The following ZNF311 variants were observed in gnomAD, a reference collection of about 807,000 sequenced individuals.
ZNF311 encodes the protein zinc finger protein 311.
A neutral mutation model predicts 22.7 loss-of-function variants in ZNF311; 14 were observed. The ratio of observed to expected loss-of-function variants is 0.62; its 90% CI spans 0.41 to 0.96. The LOEUF is 0.96. Among genes scored for constraint, ZNF311 ranks in the 40% least tolerant of loss-of-function variants. The pLI, the probability that ZNF311 is intolerant of heterozygous loss-of-function variation, is 0.00. For missense variants in ZNF311, 731 were observed against 799.0 expected, an observed-to-expected ratio of 0.91 and a Z score of 1.03; for synonymous variants, 250 against 275.3, an observed-to-expected ratio of 0.91 and a Z score of 0.91.
chr6:28,995,269 G>A lies in ZNF311; in HGVS notation c.1733C>T (p.Thr578Ile). 1.2e-6 allele frequency: 2 copies of A among 1,614,078 alleles called. No homozygotes were observed. Among genetic ancestry groups the A allele is most frequent in the Non-Finnish European group, 1.7e-6 (2 of 1,180,050 alleles). The part of the protein sequence containing the change: ...SVLRQHKRIH[T>I]GEKPYTCSEC... Reference sequence around the variant, plus strand: ...ACTGCAGGTGTATGGCTTCTCACCAGTGTGGATTCTTTTGTGCTGCCTCAG... The same window carrying A: ...ACTGCAGGTGTATGGCTTCTCACCAATGTGGATTCTTTTGTGCTGCCTCAG... The change falls in exon 7 of 7, where the codon ACT becomes ATT. Residue 578 changes from threonine (T) to isoleucine (I), a missense_variant. Physicochemically the swap from Thr to Ile is moderately conservative, Grantham distance 89 (BLOSUM62 -1). Coordinates refer to ENST00000377179, the MANE Select transcript of ZNF311 (RefSeq NM_001382360.1). This position sits in a 1 kb window ranked among gnomAD's most constrained non-coding sequence, Gnocchi z 4.7.
chr6:28,998,655 G>T, intron 6 of ZNF311, 79 bp downstream of exon 6: 1 of 983,956 alleles, frequency 1.0e-6, no homozygotes, highest in Non-Finnish European at 1.5e-6. Flanking sequence ...TCGACTGGAT[G>T]ATCCACCACT....
Position 28,998,869 on chromosome 6 carries a change from GTAACTTATAACTTAA to G in ZNF311, c.311-46_311-32del, listed in dbSNP as rs771392758. The G allele has an allele frequency of 6.6e-5, 99 of 1,497,434 alleles. 2 individuals carry two copies. The South Asian group carries it at 1.0e-3, about 16-fold the overall frequency. The allele number at this position is 1,497,434 out of a possible 1,614,324, so 92.8% of individuals were successfully genotyped here. ...TGCAGAGAAGAAATAAGTGTGTAGA[GTAACTTATAACTTAA>G]TAACTTATAACTTAGCTAAGCAGCC... is the stretch of plus-strand genomic sequence containing the variant. On this transcript the variant is annotated intron_variant, in intron 5 of 6. Transcript: ENST00000377179.
chr6:28,997,183 G>A (rs1779729684), intron 6 of ZNF311, among the ~76,000 whole-genome samples: 1 of 152,186 alleles, frequency 6.6e-6, no homozygotes, highest in Admixed American at 6.5e-5. Flanking sequence ...ACTTAAATTT[G>A]AGAACTAGTG....
At chr6:29,004,262 T>A in intron 1 of ZNF311, 48 bp from the exon 2 acceptor site, 2 of 1,320,318 alleles carry the variant, frequency 1.5e-6, no homozygotes, top group East Asian at 6.1e-5. Flanking sequence ...CAGGAAAAAA[T>A]AGGGAGTCAC....
chr6:28,994,946 G>C lies in ZNF311; in HGVS notation c.*55C>G. 1 of 1,488,922 alleles carries C rather than the reference G, an allele frequency of 6.7e-7. No individual in the cohort carries two copies. The highest frequency in any genetic ancestry group is 8.9e-7 in the Non-Finnish European group (1 of 1,122,918). The allele number at this position is 1,488,922 out of a possible 1,614,324, so 92.2% of individuals were successfully genotyped here. A position where few individuals can be genotyped will look rare whatever the true frequency, so the allele number is the denominator to read the frequency against. On this transcript the variant is annotated 3_prime_UTR_variant, in exon 7 of 7. Coordinates refer to ENST00000377179, the MANE Select transcript of ZNF311 (RefSeq NM_001382360.1). ...TCAGGAATAACTAATATAAGAGACA[G>C]AAGGACCAGCCTAAGAGGTAGGAAA...
At chr6:29,003,662 G>T (rs533286246) in intron 2 of ZNF311, 68 bp from the exon 3 acceptor site, 1 of 1,553,956 alleles carries the variant, frequency 6.4e-7, no homozygotes, top group East Asian at 2.2e-5. Flanking sequence ...GAAGATGCAA[G>T]CAACCATACA....
rs148415942 is a variant in ZNF311, at chr6:28,996,810, C to T, written c.416-224G>A. ...TAAAAACCTATTCCTCCTCTATAGT[C>T]TCCTAGTTTAGTGAGTGTAAACTCT... On this transcript the variant is annotated intron_variant, in intron 6 of 6. Transcript: ENST00000377179. Among the ~76,000 whole-genome samples the T allele has an allele frequency of 6.6e-3, 999 of 152,358 alleles. 5 individuals carry two copies. Among genetic ancestry groups the T allele is most frequent in the African/African-American group, 0.012 (504 of 41,582 alleles).
chr6:29,003,826 G>A (rs1780789716), intron 2 of ZNF311, 120 bp downstream of exon 2: 1 of 1,602,194 alleles, frequency 6.2e-7, no homozygotes, highest in African/African-American at 1.3e-5. Context: ...TATCTAGGAG[G>A]AGACACCTCC....
chr6:28,998,995 A>T (rs1223871423), intron 5 of ZNF311, among the ~76,000 whole-genome samples, 157 bp from the exon 6 acceptor site: 1 of 152,142 alleles, frequency 6.6e-6, no homozygotes, highest in Non-Finnish European at 1.5e-5. Flanking sequence ...AGTAACATGT[A>T]AAAGAACATG....
At chr6:29,001,035 C>G (rs1780380876) in intron 3 of ZNF311, among the ~76,000 whole-genome samples, 1 of 152,144 alleles carries the variant, frequency 6.6e-6, no homozygotes, top group Non-Finnish European at 1.5e-5. Context: ...CTCGGCCTCC[C>G]AAAGTGCTGG....
intron 3 of ZNF311, among the ~76,000 whole-genome samples, chr6:29,000,521 G>A (rs972690050): frequency 6.6e-6 from 1 of 152,158 alleles, no homozygotes; most frequent in African/African-American, 2.4e-5. Flanking sequence ...TCCAGGGATA[G>A]GACCAAAGCT....
intron 2 of ZNF311, 156 bp from the exon 3 acceptor site, chr6:29,003,750 GA>G (rs1780776554): frequency 7.1e-7 from 1 of 1,410,288 alleles, no homozygotes; most frequent in Non-Finnish European, 9.7e-7. Flanking sequence ...AATACCTTAT[GA>G]AAACTAGAAA....
At chr6:29,003,110 A>G (rs1402260167) in intron 3 of ZNF311, among the ~76,000 whole-genome samples, 1 of 152,242 alleles carries the variant, frequency 6.6e-6, no homozygotes, top group Non-Finnish European at 1.5e-5. Context: ...AATTGTATAT[A>G]TTCAAATTTT....
intron 5 of ZNF311, 24 bp downstream of exon 5, chr6:28,999,463 A>G (rs774965119): frequency 1.5e-5 from 24 of 1,573,686 alleles, no homozygotes; most frequent in African/African-American, 2.7e-5. Flanking sequence ...GGTAGAAAGC[A>G]TTAAGTGTAG....
At chr6:28,999,006 T>C (rs1202202495) in intron 5 of ZNF311, among the ~76,000 whole-genome samples, 168 bp from the exon 6 acceptor site, 2 of 151,912 alleles carry the variant, frequency 1.3e-5, no homozygotes, top group Non-Finnish European at 2.9e-5. Context: ...AAAGAACATG[T>C]TTGGGGACTT....
Position 28,996,557 on chromosome 6 carries a change from C to A in ZNF311, c.445G>T (p.Glu149Ter), listed in dbSNP as rs142676085. The change falls in exon 7 of 7, where the codon GAA (glutamate) becomes TAA (stop). Residue 149 changes from glutamate to a stop codon, truncating the protein, a stop_gained. Coordinates refer to ENST00000377179, the MANE Select transcript of ZNF311 (RefSeq NM_001382360.1). LOFTEE classifies it low-confidence loss of function (END_TRUNC). ...ATCTCTTGTTGTGAACTTGCCTTTT[C>A]ATTCTCAGGCCACATCTTGTCAGCT... Reference protein sequence around the residue: ...VSADKMWPENEKASSQQEIFE... With the variant: ...VSADKMWPEN 1.7e-4 allele frequency: 266 copies of A among 1,601,250 alleles called. 2 individuals carry two copies. The African/African-American group carries it at 2.9e-3, about 17-fold the overall frequency.
At position 28,995,155 on chromosome 6, in the gene ZNF311, C is replaced by A. The variant is rs140167813; in HGVS notation, c.1847G>T (p.Cys616Phe). ...TGEKPYECEE[C>F]GKAFRVSSNL... ...TGAGCTCACTCTAAAAGCTTTTCCA[C>A]ATTCCTCACATTCATAAGGTTTCTC... Residue 616 changes from cysteine to phenylalanine, a missense_variant, in exon 7 of 7, where the codon TGT becomes TTT. Cys to Phe is a radical substitution (Grantham distance 205). Coordinates refer to ENST00000377179, the MANE Select transcript of ZNF311 (RefSeq NM_001382360.1). This position sits in a 1 kb window ranked among gnomAD's most constrained non-coding sequence, Gnocchi z 4.7. The A allele has an allele frequency of 5.6e-6, 9 of 1,613,976 alleles. No homozygotes were observed. Among genetic ancestry groups the A allele is most frequent in the Non-Finnish European group, 6.8e-6 (8 of 1,180,050 alleles).
Position 28,996,349 on chromosome 6 carries a change from C to A in ZNF311, c.653G>T (p.Gly218Val). 6.2e-7 allele frequency: 1 copy of A among 1,612,464 alleles called. No homozygotes were observed. The highest frequency in any genetic ancestry group is 8.5e-7 in the Non-Finnish European group (1 of 1,179,988). Reference protein sequence around the residue: ...EGSEEVTCKKGKNQKVLSKNL... With the variant: ...EGSEEVTCKKVKNQKVLSKNL... Reference sequence around the variant, plus strand: ...TTTACTAAGCACTTTCTGGTTCTTTCCTTTTTTGCAGGTCACTTCCTCAGA... The same window carrying A: ...TTTACTAAGCACTTTCTGGTTCTTTACTTTTTTGCAGGTCACTTCCTCAGA... The change falls in exon 7 of 7, where the codon GGA becomes GTA. Residue 218 changes from glycine to valine, a missense_variant. Coordinates refer to ENST00000377179, the MANE Select transcript of ZNF311 (RefSeq NM_001382360.1).
chr6:29,001,575 T>G (rs969457481), intron 3 of ZNF311, among the ~76,000 whole-genome samples: 1 of 152,226 alleles, frequency 6.6e-6, no homozygotes, highest in Non-Finnish European at 1.5e-5. Context: ...TAATGTTACA[T>G]AACAGTTCTT....
Sources: gnomAD v4.1 joint callset for allele counts (sites outside exome capture counted in the v4.1 genomes callset) on GRCh38, gnomAD v4.1.1 for gene constraint, Gnocchi (gnomAD v3.1) non-coding constraint, MANE v1.5 for transcripts, NCBI Gene and HGNC (gene_info 2026-07-23, HGNC 2026-07-21) for gene names.